Variants in WWOX observed in about 807,000 individuals in gnomAD.
The protein encoded by WWOX is WW domain containing oxidoreductase.
A neutral mutation model predicts 46.2 loss-of-function variants in WWOX; 69 were observed. That is an observed-to-expected ratio of 1.49 (90% CI 1.23 to 1.82). The LOEUF (loss-of-function observed/expected upper bound fraction) is 1.82. Among genes scored for constraint, WWOX ranks in the 40% most tolerant of loss-of-function variants. The pLI, the probability that WWOX is intolerant of heterozygous loss-of-function variation, is 0.00. For missense variants in WWOX, 919 were observed against 542.6 expected (o/e 1.69, Z -6.89); for synonymous variants, 359 against 202.6 (o/e 1.77, Z -6.56).
At chr16:78,328,745 A>G (rs776653468) in intron 5 of WWOX, among the ~76,000 whole-genome samples, 2 of 152,184 alleles carry the variant, frequency 1.3e-5, no homozygotes, top group Non-Finnish European at 2.9e-5. Flanking sequence ...CTTGAAGCCA[A>G]GCAAAATCAT....
intron 8 of WWOX, among the ~76,000 whole-genome samples, chr16:79,037,775 A>G (rs1597311638): frequency 6.6e-6 from 1 of 152,056 alleles, no homozygotes; most frequent in African/African-American, 2.4e-5. Flanking sequence ...TTTATCCCCT[A>G]CAAGGTCATC....
chr16:78,838,203 G>T (rs2052043466), intron 8 of WWOX, among the ~76,000 whole-genome samples: 1 of 152,074 alleles, frequency 6.6e-6, no homozygotes, highest in Non-Finnish European at 1.5e-5. Flanking sequence ...GAAGCAGAGG[G>T]ATGCAAAGCA....
chr16:78,925,032 A>G (rs1263302353), intron 8 of WWOX, among the ~76,000 whole-genome samples: 1 of 152,086 alleles, frequency 6.6e-6, no homozygotes, highest in African/African-American at 2.4e-5. Flanking sequence ...CTGTCTCTAC[A>G]AAAAATAAAA....
In WWOX at chr16:78,752,145, A is replaced by G. The variant is rs549069964; in HGVS notation, c.1056+319393A>G. ...ATCCATAAAAGAGTATCTCTTGTAC[A>G]ATGTCTGCTTTTGAGTGATTCACTT... On this transcript the variant is annotated intron_variant, in intron 8 of 8. Transcript: ENST00000566780. 2.0e-5 allele frequency among the ~76,000 whole-genome samples: 3 copies of G among 152,332 alleles called. No individual in the cohort carries two copies. The South Asian group carries it at 6.2e-4, about 32-fold the overall frequency.
At chr16:78,531,075 ATTTGG>A (rs1247809996) in intron 8 of WWOX, among the ~76,000 whole-genome samples, 6 of 151,984 alleles carry the variant, frequency 3.9e-5, no homozygotes, top group African/African-American at 1.5e-4. Context: ...TTACTTTTTG[ATTTGG>A]TTTGGTTCTT....
intron 5 of WWOX, chr16:78,168,555 G>C (rs1225808165): frequency 6.6e-6 from 1 of 151,964 alleles, no homozygotes; most frequent in Non-Finnish European, 1.5e-5. Context: ...GGTCCATCTG[G>C]CTTCCAAACT....
chr16:78,957,324 T>C (rs2046187645), intron 8 of WWOX, among the ~76,000 whole-genome samples: 1 of 152,228 alleles, frequency 6.6e-6, no homozygotes, highest in African/African-American at 2.4e-5. Flanking sequence ...AATGATGCTG[T>C]TTTGAGATCA....
intron 8 of WWOX, among the ~76,000 whole-genome samples, chr16:78,813,743 T>C (rs1337595743): frequency 1.3e-5 from 2 of 152,216 alleles, no homozygotes; most frequent in African/African-American, 2.4e-5. Context: ...TTGTCGCCGT[T>C]AATTTTGTTT....
chr16:78,830,504 A>T (rs1481306023), intron 8 of WWOX, among the ~76,000 whole-genome samples: 1 of 152,002 alleles, frequency 6.6e-6, no homozygotes, highest in African/African-American at 2.4e-5. Context: ...AATTAGAGTA[A>T]ACAAATTACC....
chr16:78,754,849 G>A (rs1404201984), intron 8 of WWOX, among the ~76,000 whole-genome samples: 1 of 152,154 alleles, frequency 6.6e-6, no homozygotes, highest in Non-Finnish European at 1.5e-5. Context: ...TACCTCAGCT[G>A]GTGGGTGATA....
chr16:78,905,934 T>C (rs2044952069), intron 8 of WWOX, among the ~76,000 whole-genome samples: 1 of 152,176 alleles, frequency 6.6e-6, no homozygotes, highest in Non-Finnish European at 1.5e-5. Context: ...CCTATGTTGA[T>C]TAATTAAAGG....
chr16:78,659,140 G>T (rs1310289424), intron 8 of WWOX, among the ~76,000 whole-genome samples: 1 of 151,566 alleles, frequency 6.6e-6, no homozygotes, highest in Non-Finnish European at 1.5e-5. Flanking sequence ...ACATGCTGGT[G>T]CACACATAAA....
intron 5 of WWOX, among the ~76,000 whole-genome samples, chr16:78,204,111 C>G (rs549636664): frequency 6.6e-6 from 1 of 152,310 alleles, no homozygotes; most frequent in African/African-American, 2.4e-5. Flanking sequence ...ACAGTTTGTA[C>G]TACCTGTAGC....
intron 8 of WWOX, among the ~76,000 whole-genome samples, chr16:78,620,884 G>A (rs1378064114): frequency 6.6e-6 from 1 of 152,046 alleles, no homozygotes; most frequent in Non-Finnish European, 1.5e-5. Context: ...ACTACGTATT[G>A]CGTATATTTG....
chr16:78,847,492 G>C (rs1429554900), intron 8 of WWOX, among the ~76,000 whole-genome samples: 1 of 151,888 alleles, frequency 6.6e-6, no homozygotes, highest in African/African-American at 2.4e-5. Flanking sequence ...TTTCAAACTT[G>C]TTTCTTTGTT....
intron 8 of WWOX, chr16:79,206,420 C>T (rs150164603): frequency 3.3e-5 from 5 of 152,312 alleles, no homozygotes; most frequent in East Asian, 3.9e-4. Flanking sequence ...GGACGAGTTG[C>T]TTTTGATCTC....
At chr16:78,313,359 C>G (rs903788767) in intron 5 of WWOX, among the ~76,000 whole-genome samples, 1 of 152,048 alleles carries the variant, frequency 6.6e-6, no homozygotes, top group African/African-American at 2.4e-5. Flanking sequence ...AGATGTGTTT[C>G]GTTGTTTTTC....
intron 8 of WWOX, among the ~76,000 whole-genome samples, chr16:78,482,120 A>G (rs62036364): frequency 8.9e-4 from 135 of 152,266 alleles, no homozygotes; most frequent in Non-Finnish European, 1.5e-3. Context: ...TTTAGGTGGA[A>G]TGGTGGGTCA....
intron 8 of WWOX, among the ~76,000 whole-genome samples, chr16:78,873,989 C>T (rs184721614): frequency 1.2e-3 from 184 of 151,496 alleles, no homozygotes; most frequent in Non-Finnish European, 1.7e-3. Context: ...TGGCTGAGCA[C>T]GGTGGCTCAT....
Sources: gnomAD v4.1 joint callset for allele counts (sites outside exome capture counted in the v4.1 genomes callset) on GRCh38, gnomAD v4.1.1 for gene constraint, MANE v1.5 for transcripts, NCBI Gene and HGNC (gene_info 2026-07-23, HGNC 2026-07-21) for gene names.